The following ERLIN1 variants were observed in gnomAD, a reference collection of about 807,000 sequenced individuals.
The protein encoded by ERLIN1 is erlin-1.
A neutral mutation model predicts 46.9 loss-of-function variants in ERLIN1; 24 were observed. The ratio of observed to expected loss-of-function variants is 0.51; its 90% CI spans 0.37 to 0.72. The LOEUF (loss-of-function observed/expected upper bound fraction) is 0.72. ERLIN1 is among the 30% of genes least tolerant of loss of function. ERLIN1 has a pLI of 0.00. For missense variants in ERLIN1, 293 were observed against 417.9 expected (o/e 0.70, Z 2.61); for synonymous variants, 158 against 143.2 (o/e 1.10, Z -0.74).
intron 5 of ERLIN1, among the ~76,000 whole-genome samples, chr10:100,175,416 G>C (rs1367890118): frequency 2.0e-5 from 3 of 152,154 alleles, no homozygotes; most frequent in African/African-American, 7.2e-5. Flanking sequence ...AGTCTCCAAT[G>C]AGCTTCCCTA....
chr10:100,180,997 G>A (rs1041845182), intron 2 of ERLIN1, among the ~76,000 whole-genome samples: 2 of 152,184 alleles, frequency 1.3e-5, no homozygotes, highest in African/African-American at 4.8e-5. Context: ...TAACTCTTAG[G>A]TTGAGACATT....
chr10:100,174,155 C>G, intron 6 of ERLIN1, 53 bp downstream of exon 6: 11 of 1,160,916 alleles, frequency 9.5e-6, no homozygotes, highest in Non-Finnish European at 1.4e-5. Flanking sequence ...AAAGGAGGAA[C>G]AAACTCAAAG....
chr10:100,158,216 C>T (rs1218926339), intron 8 of ERLIN1, among the ~76,000 whole-genome samples: 1 of 152,172 alleles, frequency 6.6e-6, no homozygotes, highest in African/African-American at 2.4e-5. Context: ...AAACACTCTA[C>T]CAACCAGCCC....
At position 100,150,864 on chromosome 10, in the gene ERLIN1, G is replaced by A. The variant is rs1249222798; in HGVS notation, c.*1267C>T. The A allele has an allele frequency of 6.6e-6, 1 of 152,208 alleles. No homozygotes were observed. Among genetic ancestry groups the A allele is most frequent in the Non-Finnish European group, 1.5e-5 (1 of 68,046 alleles). 9.4% of individuals were successfully genotyped at this position (152,208 alleles called of 1,614,324 possible). A position where few individuals can be genotyped will look rare whatever the true frequency, so the allele number is the denominator to read the frequency against. On this transcript the variant is annotated 3_prime_UTR_variant, in exon 11 of 11. Coordinates refer to ENST00000421367, the MANE Select transcript of ERLIN1 (RefSeq NM_006459.4). The stretch of plus-strand genomic sequence containing the variant: ...ATGAAGTAGGTCTCCTAATGCCACA[G>A]GTTAACTCTGTTGTTTCTCATGGAA...
chr10:100,185,407 G>T, intron 1 of ERLIN1, 107 bp downstream of exon 1: 3 of 844,454 alleles, frequency 3.6e-6, no homozygotes, highest in East Asian at 2.5e-5. Flanking sequence ...CCCTAGAGAT[G>T]GGACATGCGC....
At position 100,185,822 on chromosome 10, in the gene ERLIN1, G is replaced by A. The variant is rs2134194705; in HGVS notation, c.-196C>T. 2 of 588,964 alleles carry A rather than the reference G, an allele frequency of 3.4e-6. No homozygotes were observed. The highest frequency in any genetic ancestry group is 4.0e-5 in the South Asian group (2 of 49,530). 36.5% of individuals were successfully genotyped at this position (588,964 alleles called of 1,614,324 possible). ...ACCCCTTGCCAACTCCTCCGCCCCC[G>A]GAGGCCAGTGGGCCGCCCCTGCTCG... On this transcript the variant is annotated 5_prime_UTR_variant, in exon 1 of 11. Transcript: ENST00000421367.
chr10:100,180,827 T>C (rs1016225405), intron 2 of ERLIN1, among the ~76,000 whole-genome samples: 1 of 152,226 alleles, frequency 6.6e-6, no homozygotes, highest in Non-Finnish European at 1.5e-5. Context: ...GTTCTCATTC[T>C]CCATCTTATA....
chr10:100,179,386 C>A (rs754873163), intron 2 of ERLIN1, 139 bp from the exon 3 acceptor site: 1 of 583,220 alleles, frequency 1.7e-6, no homozygotes, highest in Non-Finnish European at 3.1e-6. Context: ...CAAAGATTAG[C>A]TCTCAGAACA....
In ERLIN1 at chr10:100,150,219, G is replaced by C. The variant is rs952071158; in HGVS notation, c.*1912C>G. The C allele has an allele frequency of 6.6e-6, 1 of 151,848 alleles. No homozygotes were observed. The highest frequency in any genetic ancestry group is 2.4e-5 in the African/African-American group (1 of 41,192). The allele number at this position is 151,848 out of a possible 1,614,324, so 9.4% of individuals were successfully genotyped here. On this transcript the variant is annotated 3_prime_UTR_variant, in exon 11 of 11. Coordinates refer to ENST00000421367, the MANE Select transcript of ERLIN1 (RefSeq NM_006459.4). ...ACACCCCGAAAGACGGCCAGCCTCA[G>C]AGCTGAGAGGGCACAGGGAGGCACA... is the stretch of plus-strand genomic sequence containing the variant.
chr10:100,166,483 G>T (rs1228882087), intron 7 of ERLIN1, among the ~76,000 whole-genome samples: 1 of 151,570 alleles, frequency 6.6e-6, no homozygotes, highest in African/African-American at 2.4e-5. Flanking sequence ...CTCAGAGAAG[G>T]TATGAGGGAA....
At chr10:100,179,365 A>C in intron 2 of ERLIN1, 118 bp from the exon 3 acceptor site, 1 of 613,618 alleles carries the variant, frequency 1.6e-6, no homozygotes, top group Non-Finnish European at 2.9e-6. Flanking sequence ...ATCCATCACA[A>C]TTTCAGTTCC....
At chr10:100,182,979 G>C (rs1844749694) in intron 2 of ERLIN1, among the ~76,000 whole-genome samples, 1 of 152,126 alleles carries the variant, frequency 6.6e-6, no homozygotes, top group African/African-American at 2.4e-5. Flanking sequence ...GAAAACCTAG[G>C]GGATTTAAGA....
chr10:100,175,927 A>G lies in ERLIN1; in HGVS notation c.430+18T>C. ...TTTCCAATTGGCTATTTACATACAT[A>G]AGAATTAAGACACTTACCAAACAAT... On this transcript the variant is annotated intron_variant, in intron 5 of 10. Coordinates refer to ENST00000421367, the MANE Select transcript of ERLIN1 (RefSeq NM_006459.4). 4 of 1,609,496 alleles carry G rather than the reference A, an allele frequency of 2.5e-6. No homozygotes were observed. Among genetic ancestry groups the G allele is most frequent in the Non-Finnish European group, 3.4e-6 (4 of 1,177,318 alleles).
intron 8 of ERLIN1, among the ~76,000 whole-genome samples, chr10:100,157,027 A>G (rs1481587417): frequency 6.6e-6 from 1 of 152,196 alleles, no homozygotes; most frequent in African/African-American, 2.4e-5. Flanking sequence ...AAACAAAAAC[A>G]AAAACAAAAA....
intron 8 of ERLIN1, among the ~76,000 whole-genome samples, chr10:100,158,818 A>T (rs186530106): frequency 6.6e-6 from 1 of 152,310 alleles, no homozygotes; most frequent in Non-Finnish European, 1.5e-5. Flanking sequence ...AAAACTTCCA[A>T]TCAAGTAAAA....
intron 8 of ERLIN1, among the ~76,000 whole-genome samples, chr10:100,159,824 C>T (rs1843265085): frequency 1.4e-5 from 2 of 147,388 alleles, no homozygotes; most frequent in African/African-American, 5.0e-5. Context: ...AAGACTTAAA[C>T]TTAACTATCC....
intron 6 of ERLIN1, among the ~76,000 whole-genome samples, chr10:100,170,542 A>G (rs1013496902): frequency 6.6e-6 from 1 of 152,216 alleles, no homozygotes; most frequent in Non-Finnish European, 1.5e-5. Flanking sequence ...TAAAAGTGAA[A>G]GTGGGGAAAG....
chr10:100,151,975 C>G lies in ERLIN1; in HGVS notation c.*156G>C. On this transcript the variant is annotated 3_prime_UTR_variant, in exon 11 of 11. Coordinates refer to ENST00000421367, the MANE Select transcript of ERLIN1 (RefSeq NM_006459.4). ...CCATTTGTGTGTCAGACAGCTGGCTCTATCCTCCAATCAGTGGAGCACCCA... is the reference window on the plus strand; with the variant it reads ...CCATTTGTGTGTCAGACAGCTGGCTGTATCCTCCAATCAGTGGAGCACCCA... The G allele has an allele frequency of 1.4e-6, 1 of 695,252 alleles. No individual in the cohort carries two copies. Among genetic ancestry groups the G allele is most frequent in the Non-Finnish European group, 2.6e-6 (1 of 379,236 alleles). 43.1% of individuals were successfully genotyped at this position (695,252 alleles called of 1,614,324 possible).
chr10:100,152,055 A>C lies in ERLIN1; in HGVS notation c.*76T>G. 5 of 896,260 alleles carry C rather than the reference A, an allele frequency of 5.6e-6. No individual in the cohort carries two copies. Among genetic ancestry groups the C allele is most frequent in the Non-Finnish European group, 9.3e-6 (5 of 539,050 alleles). The allele number at this position is 896,260 out of a possible 1,614,324, so 55.5% of individuals were successfully genotyped here. A position where few individuals can be genotyped will look rare whatever the true frequency, so the allele number is the denominator to read the frequency against. On this transcript the variant is annotated 3_prime_UTR_variant, in exon 11 of 11. Coordinates refer to ENST00000421367, the MANE Select transcript of ERLIN1 (RefSeq NM_006459.4). Reference sequence around the variant, plus strand: ...AAGTGTAAGTTCTCTGTAAATCTGAAGAGTCCGTATAATGATTGTTCCCAC... The same window carrying C: ...AAGTGTAAGTTCTCTGTAAATCTGACGAGTCCGTATAATGATTGTTCCCAC...
Sources: allele counts gnomAD v4.1 joint callset (sites outside exome capture counted in the v4.1 genomes callset), GRCh38; gene constraint gnomAD v4.1.1; transcripts MANE v1.5; gene names NCBI Gene and HGNC (gene_info 2026-07-23, HGNC 2026-07-21).